NEK10: variants seen among roughly 807,000 people sequenced by gnomAD.
NEK10 encodes the protein NIMA related kinase 10.
In NEK10, 122 loss-of-function variants were observed where a neutral mutation model predicts 159.8. That is an observed-to-expected ratio of 0.76 (90% CI 0.66 to 0.89). NEK10 has a LOEUF of 0.89. NEK10 is among the 40% of genes least tolerant of loss of function. NEK10 has a pLI of 0.00. For missense variants in NEK10, 1,342 were observed against 1,323.1 expected (o/e 1.01, Z -0.22); for synonymous variants, 466 against 457.1 (o/e 1.02, Z -0.25).
At chr3:27,162,461 C>G in intron 30 of NEK10, 6 of 1,613,986 alleles carry the variant, frequency 3.7e-6, no homozygotes, top group Non-Finnish European at 5.1e-6. Flanking sequence ...TAAGTACTAC[C>G]ATGATCTTTG....
At chr3:27,339,978 T>C (rs2047087446) in intron 5 of NEK10, among the ~76,000 whole-genome samples, 2 of 152,164 alleles carry the variant, frequency 1.3e-5, no homozygotes, top group Admixed American at 6.5e-5. Flanking sequence ...GAACCAGATA[T>C]AACATTTGAA....
At chr3:27,309,117 C>G (rs2044474046) in intron 9 of NEK10, 112 bp from the exon 10 acceptor site, 1 of 592,508 alleles carries the variant, frequency 1.7e-6, no homozygotes, top group Admixed American at 2.8e-5. Flanking sequence ...CAAAATGCTT[C>G]CCTCTTAAGA....
intron 3 of NEK10, 54 bp downstream of exon 3, chr3:27,352,411 G>A (rs1015188255): frequency 6.9e-6 from 8 of 1,155,690 alleles, no homozygotes; most frequent in Middle Eastern, 1.9e-4. Flanking sequence ...GGAGCCCTTT[G>A]GAAACATATG....
intron 23 of NEK10, among the ~76,000 whole-genome samples, chr3:27,246,200 T>A (rs1379775878): frequency 1.3e-5 from 2 of 152,180 alleles, no homozygotes; most frequent in Non-Finnish European, 2.9e-5. Flanking sequence ...ACAATGGCAT[T>A]ATGTACCTAC....
intron 1 of NEK10, among the ~76,000 whole-genome samples, chr3:27,360,628 C>G (rs2048620352): frequency 6.6e-6 from 1 of 152,186 alleles, no homozygotes; most frequent in African/African-American, 2.4e-5. Context: ...GGCCCTTAGC[C>G]AAGGGCAGAG....
At chr3:27,121,147 CT>C (rs1192724263) in intron 32 of NEK10, among the ~76,000 whole-genome samples, 1 of 152,078 alleles carries the variant, frequency 6.6e-6, no homozygotes, top group Non-Finnish European at 1.5e-5. Context: ...TTCATGCCAT[CT>C]TTTTTTCATA....
chr3:27,263,934 C>T (rs918602285), intron 22 of NEK10, among the ~76,000 whole-genome samples: 4 of 152,064 alleles, frequency 2.6e-5, no homozygotes, highest in African/African-American at 9.7e-5. Context: ...TCCTATTCGG[C>T]CATCTTGGCT....
intron 5 of NEK10, among the ~76,000 whole-genome samples, chr3:27,331,429 C>G (rs924541595): frequency 6.6e-6 from 1 of 152,048 alleles, no homozygotes; most frequent in African/African-American, 2.4e-5. Flanking sequence ...TCAAAGGTCT[C>G]TATTGGCCTC....
intron 30 of NEK10, among the ~76,000 whole-genome samples, chr3:27,156,527 A>G (rs2148780545): frequency 6.6e-6 from 1 of 152,220 alleles, no homozygotes; most frequent in South Asian, 2.1e-4. Flanking sequence ...AAGATACTCA[A>G]ATGACCAACG....
In NEK10 at chr3:27,172,190, C is replaced by T. The variant is rs186122676; in HGVS notation, c.2777-317G>A. On this transcript the variant is annotated intron_variant, in intron 28 of 35. Transcript: ENST00000691995. Reference sequence around the variant, plus strand: ...CCCTACTAAAAAGTACAAAAATTAGCTGGGTGTGGTGGAGCATGCCTGTAG... The same window carrying T: ...CCCTACTAAAAAGTACAAAAATTAGTTGGGTGTGGTGGAGCATGCCTGTAG... Among the ~76,000 whole-genome samples, 3 of 151,964 alleles carry T rather than the reference C, an allele frequency of 2.0e-5. No individual in the cohort carries two copies. In the East Asian group the frequency reaches 5.8e-4, roughly 30 times the overall value.
chr3:27,178,433 T>C (rs1188334545), intron 26 of NEK10, among the ~76,000 whole-genome samples: 1 of 152,232 alleles, frequency 6.6e-6, no homozygotes, highest in African/African-American at 2.4e-5. Context: ...AAAAATGCAC[T>C]ATTTCTTTGT....
chr3:27,297,191 G>A lies in NEK10; in HGVS notation c.1218C>T (p.His406=), dbSNP rs2043420756. Residue 406 remains histidine, a synonymous_variant, in exon 14 of 36, where the codon CAC becomes CAT. Coordinates refer to ENST00000691995, the MANE Select transcript of NEK10 (RefSeq NM_001394966.1). ...GGAGTGCTCTCACCTGAACCACCTG[G>A]TGGGCATTGGTGTCATTGAGCACCA... ...TELVLNDTNA[H]QVVQENGVYT... 9 of 1,612,476 alleles carry A rather than the reference G, an allele frequency of 5.6e-6. No individual in the cohort carries two copies. Among genetic ancestry groups the A allele is most frequent in the Middle Eastern group, 3.3e-4 (2 of 6,058 alleles).
At chr3:27,119,196 A>G (rs1431401146) in intron 33 of NEK10, among the ~76,000 whole-genome samples, 1 of 152,204 alleles carries the variant, frequency 6.6e-6, no homozygotes, top group Admixed American at 6.5e-5. Context: ...TTTACAGGCA[A>G]GGAAACTGGG....
intron 5 of NEK10, among the ~76,000 whole-genome samples, chr3:27,340,797 C>G (rs1157168661): frequency 2.0e-5 from 3 of 152,068 alleles, no homozygotes. Context: ...ATGACGATTT[C>G]TCAAAAAAAT....
At chr3:27,148,288 G>A (rs1015468147) in intron 30 of NEK10, among the ~76,000 whole-genome samples, 1 of 152,126 alleles carries the variant, frequency 6.6e-6, no homozygotes, top group Non-Finnish European at 1.5e-5. Flanking sequence ...GAAGCTTAAT[G>A]ACTGATTCAA....
At chr3:27,129,399 C>T (rs1467810357) in intron 32 of NEK10, among the ~76,000 whole-genome samples, 1 of 152,078 alleles carries the variant, frequency 6.6e-6, no homozygotes. Context: ...CTTACTGCTC[C>T]TATGGCCCTG....
intron 25 of NEK10, among the ~76,000 whole-genome samples, chr3:27,196,361 C>T (rs55974605): frequency 0.072 from 10,928 of 152,178 alleles, 464 homozygotes; most frequent in African/African-American, 0.12. Flanking sequence ...GTGAGTCTGC[C>T]GGTGCTCCCA....
intron 3 of NEK10, among the ~76,000 whole-genome samples, chr3:27,349,494 C>T (rs887026631): frequency 2.6e-5 from 4 of 152,246 alleles, no homozygotes; most frequent in South Asian, 2.1e-4. Flanking sequence ...TGCCTACTCC[C>T]GCTCTCTCAA....
At chr3:27,341,135 G>A (rs985943312) in intron 5 of NEK10, among the ~76,000 whole-genome samples, 2 of 152,012 alleles carry the variant, frequency 1.3e-5, no homozygotes, top group Non-Finnish European at 2.9e-5. Context: ...TCATACATGG[G>A]AGCTTAAAAA....
Sources: allele counts gnomAD v4.1 joint callset (sites outside exome capture counted in the v4.1 genomes callset), GRCh38; gene constraint gnomAD v4.1.1; transcripts MANE v1.5; gene names NCBI Gene and HGNC (gene_info 2026-07-23, HGNC 2026-07-21).